Variants in WWOX observed in about 807,000 individuals in gnomAD.
WWOX encodes the protein WW domain-containing oxidoreductase.
WWOX carries 69 observed loss-of-function variants against 46.2 expected under a neutral mutation model. The observed-to-expected ratio is 1.49, with a 90% CI of 1.23 to 1.82. The LOEUF is 1.82. Ranked by LOEUF, WWOX falls within the 40% of genes most tolerant of loss-of-function variation. WWOX has a pLI of 0.00. For missense variants in WWOX, 919 were observed against 542.6 expected, an observed-to-expected ratio of 1.69 and a Z score of -6.89; for synonymous variants, 359 against 202.6, an observed-to-expected ratio of 1.77 and a Z score of -6.56.
chr16:79,043,772 CT>C (rs2048016148), intron 8 of WWOX, among the ~76,000 whole-genome samples: 1 of 152,198 alleles, frequency 6.6e-6, no homozygotes, highest in South Asian at 2.1e-4. Context: ...AGACACCTTT[CT>C]TTCTCTGGTC....
At chr16:78,994,366 G>C (rs973361885) in intron 8 of WWOX, 2 of 152,194 alleles carry the variant, frequency 1.3e-5, no homozygotes, top group South Asian at 2.1e-4. Flanking sequence ...TTTAAAGAAA[G>C]AAGAAGGAGA....
At chr16:78,637,441 C>CAAAAAAAAA (rs11426631) in intron 8 of WWOX, among the ~76,000 whole-genome samples, 1 of 139,382 alleles carries the variant, frequency 7.2e-6, no homozygotes. Context: ...AACTCTGTCT[C>CAAAAAAAAA]AAAAAAAAAA....
chr16:78,333,144 A>G (rs780361642), intron 5 of WWOX, among the ~76,000 whole-genome samples: 8 of 141,016 alleles, frequency 5.7e-5, no homozygotes, highest in African/African-American at 8.0e-5. Flanking sequence ...TTCGCCTCCC[A>G]GGTTCAGGCG....
At chr16:78,400,207 A>T (rs1449598108) in intron 6 of WWOX, among the ~76,000 whole-genome samples, 2 of 152,252 alleles carry the variant, frequency 1.3e-5, no homozygotes, top group Non-Finnish European at 2.9e-5. Flanking sequence ...ATATTATGCA[A>T]TAATTTATAA....
intron 5 of WWOX, among the ~76,000 whole-genome samples, chr16:78,314,704 T>TTTTG (rs1555517878): frequency 1.6e-4 from 11 of 69,126 alleles, no homozygotes; most frequent in African/African-American, 7.8e-4. Context: ...TTTTTTTGTT[T>TTTTG]TTTTTTTTTT....
At chr16:78,553,005 C>G (rs762337159) in intron 8 of WWOX, 3 of 152,214 alleles carry the variant, frequency 2.0e-5, no homozygotes, top group Non-Finnish European at 4.4e-5. Flanking sequence ...AAGCTATTAT[C>G]CTCAGCAAAC....
Position 78,686,430 on chromosome 16 carries a change from C to G in WWOX, c.1056+253678C>G, listed in dbSNP as rs578196353. ...GGAGGCCGAGGCAGGAGAATGGTGT[C>G]AACCCGGGAGGTGGAGTTTGCAGTT... On this transcript the variant is annotated intron_variant, in intron 8 of 8. Transcript: ENST00000566780. 3.5e-3 allele frequency among the ~76,000 whole-genome samples: 535 copies of G among 151,838 alleles called. 3 individuals are homozygous for G. The highest frequency in any genetic ancestry group is 0.012 in the African/African-American group (497 of 41,440).
At chr16:78,999,148 T>C (rs919919150) in intron 8 of WWOX, among the ~76,000 whole-genome samples, 18 of 151,126 alleles carry the variant, frequency 1.2e-4, no homozygotes, top group South Asian at 2.1e-4. Context: ...GCTTCTTCTT[T>C]TTTTTTTTTT....
chr16:79,066,733 C>G (rs1411230113), intron 8 of WWOX, among the ~76,000 whole-genome samples: 5 of 152,236 alleles, frequency 3.3e-5, no homozygotes, highest in African/African-American at 1.2e-4. Context: ...AAGGGACCAC[C>G]TGCCTTCTAC....
intron 8 of WWOX, among the ~76,000 whole-genome samples, chr16:78,888,511 C>T (rs1430946813): frequency 6.6e-6 from 1 of 152,286 alleles, no homozygotes; most frequent in East Asian, 1.9e-4. Context: ...GGCAGAAAGC[C>T]TTTCTCAGGA....
intron 8 of WWOX, among the ~76,000 whole-genome samples, chr16:78,936,915 A>G (rs1054776465): frequency 5.9e-5 from 9 of 152,228 alleles, no homozygotes; most frequent in Admixed American, 4.6e-4. Context: ...AAGAGAAGCA[A>G]GGAGTTTTTC....
intron 5 of WWOX, among the ~76,000 whole-genome samples, chr16:78,330,685 G>C (rs1237594327): frequency 6.6e-6 from 1 of 152,176 alleles, no homozygotes; most frequent in Non-Finnish European, 1.5e-5. Flanking sequence ...GTGAACCACC[G>C]TGCCCGGCAG....
intron 8 of WWOX, among the ~76,000 whole-genome samples, chr16:78,506,016 C>G (rs2085194400): frequency 6.6e-6 from 1 of 152,218 alleles, no homozygotes. Flanking sequence ...CCCCGTCAGC[C>G]CCTTCCCGAC....
intron 8 of WWOX, among the ~76,000 whole-genome samples, chr16:78,541,952 C>A (rs1020247381): frequency 2.4e-5 from 3 of 125,146 alleles, no homozygotes; most frequent in Non-Finnish European, 3.2e-5. Context: ...ACAGATGGGA[C>A]TATTTGCATG....
chr16:78,151,681 T>C (rs960536659), intron 4 of WWOX, among the ~76,000 whole-genome samples: 1 of 152,190 alleles, frequency 6.6e-6, no homozygotes, highest in Non-Finnish European at 1.5e-5. Flanking sequence ...AATTATCAAT[T>C]AGATAGCATT....
intron 8 of WWOX, among the ~76,000 whole-genome samples, chr16:78,650,233 C>T (rs996785972): frequency 6.6e-6 from 1 of 152,128 alleles, no homozygotes; most frequent in African/African-American, 2.4e-5. Flanking sequence ...CATACAGTGA[C>T]CATAGTGTTT....
intron 8 of WWOX, among the ~76,000 whole-genome samples, chr16:78,844,433 C>T (rs1046507474): frequency 1.3e-5 from 2 of 152,090 alleles, no homozygotes; most frequent in East Asian, 1.9e-4. Context: ...ATAATTTGGG[C>T]AGTCTCACTG....
intron 8 of WWOX, among the ~76,000 whole-genome samples, chr16:78,983,870 CT>C (rs760130115): frequency 0.011 from 862 of 79,810 alleles, 7 homozygotes; most frequent in African/African-American, 0.04. Flanking sequence ...GAGAGCTATT[CT>C]TTTTTTTTTT....
In WWOX at chr16:78,912,910, A is replaced by G. The variant is rs16948858; in HGVS notation, c.1057-298698A>G. 6.9e-3 allele frequency among the ~76,000 whole-genome samples: 1,056 copies of G among 152,120 alleles called. 10 individuals are homozygous for G. Among genetic ancestry groups the G allele is most frequent in the African/African-American group, 0.024 (1,013 of 41,566 alleles). On this transcript the variant is annotated intron_variant, in intron 8 of 8. Coordinates refer to ENST00000566780, the MANE Select transcript of WWOX (RefSeq NM_016373.4). ...AGCTTGGAAAACACTATCCATTAGCAAGAGATCAGAGCAAGAGAAACCTCG... is the reference window on the plus strand; with the variant it reads ...AGCTTGGAAAACACTATCCATTAGCGAGAGATCAGAGCAAGAGAAACCTCG...
Sources: gnomAD v4.1 joint callset for allele counts (sites outside exome capture counted in the v4.1 genomes callset) on GRCh38, gnomAD v4.1.1 for gene constraint, MANE v1.5 for transcripts, NCBI Gene and HGNC (gene_info 2026-07-23, HGNC 2026-07-21) for gene names.